CFAP52: variants seen among roughly 807,000 people sequenced by gnomAD.
The protein encoded by CFAP52 is cilia and flagella associated protein 52.
In CFAP52, 57 loss-of-function variants were observed where a neutral mutation model predicts 70.5. The ratio of observed to expected loss-of-function variants is 0.81; its 90% CI spans 0.65 to 1.01. The LOEUF is 1.01. Ranked by LOEUF, CFAP52 falls within the 50% of genes least tolerant of loss-of-function variation. CFAP52 has a pLI of 0.00. For synonymous variants in CFAP52, 267 were observed against 292.5 expected (o/e 0.91, Z 0.89); for missense variants, 785 against 788.5 (o/e 1.00, Z 0.05).
intron 6 of CFAP52, among the ~76,000 whole-genome samples, chr17:9,604,544 G>A (rs527353160): frequency 2.6e-5 from 4 of 151,926 alleles, no homozygotes; most frequent in East Asian, 3.9e-4. Context: ...GAGGCGGGCC[G>A]ATCACCTGAG....
chr17:9,641,386 A>G (rs956275428), intron 12 of CFAP52, among the ~76,000 whole-genome samples: 1 of 152,164 alleles, frequency 6.6e-6, no homozygotes, highest in South Asian at 2.1e-4. Flanking sequence ...TCCTCCCTCC[A>G]GGCCTGAAGC....
chr17:9,636,783 C>A (rs1910824004), intron 11 of CFAP52, among the ~76,000 whole-genome samples: 1 of 151,996 alleles, frequency 6.6e-6, no homozygotes, highest in East Asian at 1.9e-4. Context: ...GCGGTGGCTC[C>A]CGCCTGTAAC....
In CFAP52 at chr17:9,638,850, G is replaced by T. The variant is rs74863351; in HGVS notation, c.1575+139G>T. 2,935 of 752,480 alleles carry T rather than the reference G, an allele frequency of 3.9e-3. 71 individuals are homozygous for T. In the African/African-American group the frequency reaches 0.045, roughly 12 times the overall value. 46.6% of individuals were successfully genotyped at this position (752,480 alleles called of 1,614,324 possible). On this transcript the variant is annotated intron_variant, in intron 12 of 13. Transcript: ENST00000352665. ...TGTCATCAATCAGCCATGCCACTTTGGAAAGGCCATATCACCTTCCAGTGT... is the reference window on the plus strand; with the variant it reads ...TGTCATCAATCAGCCATGCCACTTTTGAAAGGCCATATCACCTTCCAGTGT...
intron 3 of CFAP52, among the ~76,000 whole-genome samples, chr17:9,593,987 C>T: frequency 6.6e-6 from 1 of 152,036 alleles, no homozygotes; most frequent in East Asian, 1.9e-4. Context: ...ATAACAACAA[C>T]AACAAAAAAC....
intron 1 of CFAP52, among the ~76,000 whole-genome samples, 187 bp from the exon 2 acceptor site, chr17:9,585,586 A>T (rs1017064481): frequency 1.5e-5 from 2 of 137,040 alleles, no homozygotes; most frequent in Non-Finnish European, 1.5e-5. Flanking sequence ...CAGGAGAATC[A>T]CTTGAACCCA....
Position 9,643,097 on chromosome 17 carries a change from G to A in CFAP52, c.1762G>A (p.Gly588Ser), listed in dbSNP as rs1400884276. ...EVTHVGVGHS[G>S]NITRIRISPG... ...GACTCACGTTGGGGTGGGACACAGTGGCAACATCACACGCATCCGCATAAG... is the reference window on the plus strand; with the variant it reads ...GACTCACGTTGGGGTGGGACACAGTAGCAACATCACACGCATCCGCATAAG... The change falls in exon 14 of 14, where the codon GGC becomes AGC. Residue 588 changes from glycine (G) to serine (S), a missense_variant. Physicochemically the swap from Gly to Ser is moderately conservative, Grantham distance 56 (BLOSUM62 0). Coordinates refer to ENST00000352665, the MANE Select transcript of CFAP52 (RefSeq NM_145054.5). The A allele has an allele frequency of 1.9e-6, 3 of 1,613,326 alleles. No homozygotes were observed. Among genetic ancestry groups the A allele is most frequent in the African/African-American group, 2.7e-5 (2 of 74,908 alleles).
At chr17:9,622,043 C>CTACA (rs1167214489) in intron 8 of CFAP52, among the ~76,000 whole-genome samples, 4 of 140,406 alleles carry the variant, frequency 2.8e-5, no homozygotes, top group African/African-American at 1.1e-4. Flanking sequence ...TCATCAAAGA[C>CTACA]TACAGTTAAC....
intron 8 of CFAP52, among the ~76,000 whole-genome samples, chr17:9,625,087 G>T (rs116153083): frequency 3.3e-5 from 5 of 152,116 alleles, no homozygotes; most frequent in African/African-American, 1.2e-4. Context: ...GCTGAGCTCA[G>T]TTGGGGAATG....
chr17:9,581,088 G>A (rs1038554567), intron 1 of CFAP52, among the ~76,000 whole-genome samples: 13 of 152,300 alleles, frequency 8.5e-5, no homozygotes, highest in South Asian at 6.2e-4. Context: ...AGGCCCAGGC[G>A]GGTGGATCAC....
intron 10 of CFAP52, among the ~76,000 whole-genome samples, chr17:9,634,712 C>T (rs752605017): frequency 2.6e-5 from 4 of 152,104 alleles, no homozygotes; most frequent in Non-Finnish European, 2.9e-5. Flanking sequence ...CGCAGTGAGC[C>T]GAGATCGCGC....
At chr17:9,584,155 T>C (rs748884130) in intron 1 of CFAP52, 71 of 1,192,128 alleles carry the variant, frequency 6.0e-5, no homozygotes, top group Non-Finnish European at 7.3e-5. Context: ...TTGTTGGTCA[T>C]TGTATTTTCT....
intron 5 of CFAP52, among the ~76,000 whole-genome samples, chr17:9,599,243 G>A (rs1216007017): frequency 6.6e-6 from 1 of 152,164 alleles, no homozygotes; most frequent in Non-Finnish European, 1.5e-5. Context: ...TGTCACATCA[G>A]CACTCAACAA....
intron 6 of CFAP52, among the ~76,000 whole-genome samples, chr17:9,605,694 G>GAAAAAAAAAAAAAAAAAA (rs56157011): frequency 1.8e-5 from 1 of 56,970 alleles, no homozygotes. Flanking sequence ...GACTCCATCT[G>GAAAAAAAAAAAAAAAAAA]AAAAAAAAAA....
At chr17:9,641,323 A>C (rs1208982132) in intron 12 of CFAP52, among the ~76,000 whole-genome samples, 2 of 151,998 alleles carry the variant, frequency 1.3e-5, no homozygotes, top group African/African-American at 4.8e-5. Flanking sequence ...AGTCTCTAGA[A>C]CTCTGGGGAG....
intron 3 of CFAP52, among the ~76,000 whole-genome samples, chr17:9,593,288 G>A (rs533665037): frequency 6.6e-6 from 1 of 152,240 alleles, no homozygotes; most frequent in African/African-American, 2.4e-5. Context: ...AGAAGGAAGT[G>A]TAACCCTATA....
At chr17:9,631,520 A>G (rs1285636439) in intron 9 of CFAP52, among the ~76,000 whole-genome samples, 1 of 152,184 alleles carries the variant, frequency 6.6e-6, no homozygotes, top group African/African-American at 2.4e-5. Flanking sequence ...AAAACATTCC[A>G]GGCAGAGGGA....
chr17:9,637,293 A>G (rs553925652), intron 11 of CFAP52, among the ~76,000 whole-genome samples: 31 of 152,302 alleles, frequency 2.0e-4, no homozygotes, highest in African/African-American at 7.5e-4. Flanking sequence ...AACTAGAAGG[A>G]CATGTCTGAA....
At chr17:9,643,774 C>CTT (rs1567640149), downstream of CFAP52, among the ~76,000 whole-genome samples, 1 of 152,176 alleles carries the variant, frequency 6.6e-6, no homozygotes, top group Non-Finnish European at 1.5e-5. Flanking sequence ...AATATGCATG[C>CTT]TTTCTCAAAG....
chr17:9,616,162 C>T (rs1255103814), intron 8 of CFAP52, among the ~76,000 whole-genome samples: 3 of 151,478 alleles, frequency 2.0e-5, no homozygotes, highest in Admixed American at 6.6e-5. Flanking sequence ...CGAGCCGAAG[C>T]AGGTCGAGGC....
Sources: allele counts gnomAD v4.1 joint callset (sites outside exome capture counted in the v4.1 genomes callset), GRCh38; gene constraint gnomAD v4.1.1; transcripts MANE v1.5; gene names NCBI Gene and HGNC (gene_info 2026-07-23, HGNC 2026-07-21).